TMEM150C: variants seen among roughly 807,000 people sequenced by gnomAD.
TMEM150C encodes the protein tentonin 3.
Under a neutral mutation model 29.9 loss-of-function variants are expected in TMEM150C, and 10 were observed. The observed-to-expected ratio is 0.33, with a 90% CI of 0.21 to 0.57. The LOEUF (loss-of-function observed/expected upper bound fraction) is 0.57, where lower values mean the gene tolerates loss of function less well. Among genes scored for constraint, TMEM150C ranks in the 20% least tolerant of loss-of-function variants. The probability of loss-of-function intolerance (pLI) is 0.88; values close to 1 mark genes in which losing one functional copy is unlikely to be tolerated. For missense variants in TMEM150C, 251 were observed against 303.6 expected, an observed-to-expected ratio of 0.83 and a Z score of 1.29; for synonymous variants, 101 against 112.5, an observed-to-expected ratio of 0.90 and a Z score of 0.64.
At chr4:82,496,609 A>G (rs1723566050) in intron 5 of TMEM150C, among the ~76,000 whole-genome samples, 1 of 152,198 alleles carries the variant, frequency 6.6e-6, no homozygotes, top group South Asian at 2.1e-4. Flanking sequence ...GAGGCTTGGC[A>G]CACAACAAAT....
At chr4:82,549,256 T>G (rs1367113165) in intron 1 of TMEM150C, among the ~76,000 whole-genome samples, 2 of 152,206 alleles carry the variant, frequency 1.3e-5, no homozygotes, top group African/African-American at 4.8e-5. Context: ...ATGTGGTATA[T>G]ATACTATGGA....
chr4:82,497,876 C>A (rs1288484233), intron 5 of TMEM150C, among the ~76,000 whole-genome samples: 1 of 152,160 alleles, frequency 6.6e-6, no homozygotes, highest in East Asian at 1.9e-4. Context: ...CAACACACAG[C>A]ACTCCATCAC....
chr4:82,544,669 C>T (rs1036235760), intron 1 of TMEM150C, among the ~76,000 whole-genome samples: 4 of 152,072 alleles, frequency 2.6e-5, no homozygotes, highest in African/African-American at 9.7e-5. Flanking sequence ...GTCCCAGCTA[C>T]TTGGGAGACT....
intron 1 of TMEM150C, among the ~76,000 whole-genome samples, chr4:82,548,096 G>A (rs1725444790): frequency 6.6e-6 from 1 of 152,182 alleles, no homozygotes; most frequent in Non-Finnish European, 1.5e-5. Flanking sequence ...GTGAATTAAT[G>A]CAGAAACAGA....
At chr4:82,534,325 A>C (rs1175781686) in intron 1 of TMEM150C, among the ~76,000 whole-genome samples, 1 of 152,232 alleles carries the variant, frequency 6.6e-6, no homozygotes, top group Non-Finnish European at 1.5e-5. Context: ...CCCCTGCAAA[A>C]GAGTTAACTG....
At chr4:82,486,335 TA>T (rs527967958) in intron 7 of TMEM150C, among the ~76,000 whole-genome samples, 755 of 51,258 alleles carry the variant, frequency 0.015, 2 homozygotes, top group African/African-American at 0.056. Context: ...GACTCCATCT[TA>T]AAAAAAAAAA....
intron 1 of TMEM150C, among the ~76,000 whole-genome samples, chr4:82,504,910 G>A (rs1326254093): frequency 6.6e-6 from 1 of 152,104 alleles, no homozygotes; most frequent in African/African-American, 2.4e-5. Flanking sequence ...GGCGCCTGTA[G>A]TCCCAGCTAC....
At chr4:82,499,637 C>T (rs933969439) in intron 5 of TMEM150C, among the ~76,000 whole-genome samples, 3 of 141,936 alleles carry the variant, frequency 2.1e-5, no homozygotes, top group South Asian at 2.2e-4. Flanking sequence ...GCAGGAGAAT[C>T]GCTTGAACCT....
chr4:82,542,438 T>A (rs1725228976), intron 1 of TMEM150C, among the ~76,000 whole-genome samples: 1 of 152,124 alleles, frequency 6.6e-6, no homozygotes, highest in Non-Finnish European at 1.5e-5. Flanking sequence ...GTAGCTTGGA[T>A]TTGGTCCTAT....
At chr4:82,561,771 G>A in intron 1 of TMEM150C, 135 bp downstream of exon 1, 1 of 630,488 alleles carries the variant, frequency 1.6e-6, no homozygotes, top group South Asian at 6.8e-5. Flanking sequence ...CCCGCAGCCG[G>A]GCGGACCCAG....
At chr4:82,545,733 C>T (rs1187675249) in intron 1 of TMEM150C, among the ~76,000 whole-genome samples, 1 of 152,106 alleles carries the variant, frequency 6.6e-6, no homozygotes, top group Non-Finnish European at 1.5e-5. Flanking sequence ...AGTTTGAGAA[C>T]AGCCTGGCCA....
intron 1 of TMEM150C, among the ~76,000 whole-genome samples, chr4:82,526,969 T>G (rs942758217): frequency 6.6e-6 from 1 of 151,514 alleles, no homozygotes; most frequent in African/African-American, 2.4e-5. Flanking sequence ...CCGATTCCAC[T>G]GTCAGCCAAT....
intron 1 of TMEM150C, among the ~76,000 whole-genome samples, chr4:82,515,076 G>T (rs1287341505): frequency 6.6e-6 from 1 of 152,154 alleles, no homozygotes; most frequent in Non-Finnish European, 1.5e-5. Context: ...CTACTAGAGA[G>T]GTACATTGAT....
intron 5 of TMEM150C, among the ~76,000 whole-genome samples, chr4:82,499,104 CT>C (rs768880497): frequency 3.3e-5 from 5 of 152,228 alleles, no homozygotes; most frequent in South Asian, 4.2e-4. Context: ...GATTCTGCCC[CT>C]ATAACAGTTT....
rs531563327 is a variant in TMEM150C, at chr4:82,545,865, C to T, written c.-11+16041G>A. ...GCTGGAACCCAGGAGGCGGAGGTTGCAGTGAGCTGAGATTGCACCATTGCG... is the reference window on the plus strand; with the variant it reads ...GCTGGAACCCAGGAGGCGGAGGTTGTAGTGAGCTGAGATTGCACCATTGCG... On this transcript the variant is annotated intron_variant, in intron 1 of 7. Coordinates refer to ENST00000449862, the MANE Select transcript of TMEM150C (RefSeq NM_001080506.3). Among the ~76,000 whole-genome samples the T allele has an allele frequency of 5.6e-4, 85 of 152,056 alleles. 1 individual carries two copies. The highest frequency in any genetic ancestry group is 2.0e-3 in the African/African-American group (83 of 41,448).
chr4:82,555,497 G>A (rs1725708840), intron 1 of TMEM150C, among the ~76,000 whole-genome samples: 2 of 152,178 alleles, frequency 1.3e-5, no homozygotes, highest in South Asian at 4.1e-4. Context: ...ACCACAGGCT[G>A]GCAGCAGTGA....
chr4:82,490,205 T>G lies in TMEM150C; in HGVS notation c.397A>C (p.Thr133Pro). 3 of 1,613,962 alleles carry G rather than the reference T, an allele frequency of 1.9e-6. No individual in the cohort carries two copies. Among genetic ancestry groups the G allele is most frequent in the Non-Finnish European group, 8.5e-7 (1 of 1,179,874 alleles). Residue 133 changes from threonine (T) to proline (P), a missense_variant, in exon 7 of 8, where the codon ACT (threonine) becomes CCT (proline). Thr to Pro is a conservative substitution (Grantham distance 38). Coordinates refer to ENST00000449862, the MANE Select transcript of TMEM150C (RefSeq NM_001080506.3). ...GTGCCAAATCCAAAGGTCAAGGAAG[T>G]TCCGACGTTATGGATTTCTTCATCA... ...TNDEEIHNVG[T>P]SLTFGFGTLT... is the part of the protein sequence containing the mutation.
chr4:82,545,604 T>G (rs943312613), intron 1 of TMEM150C, among the ~76,000 whole-genome samples: 11 of 152,170 alleles, frequency 7.2e-5, no homozygotes, highest in African/African-American at 2.7e-4. Flanking sequence ...ACTATCTCTC[T>G]TTGTGGGTGG....
intron 1 of TMEM150C, among the ~76,000 whole-genome samples, chr4:82,511,594 G>A (rs1724129646): frequency 6.7e-6 from 1 of 148,462 alleles, no homozygotes; most frequent in Non-Finnish European, 1.5e-5. Flanking sequence ...TCCCACTTCA[G>A]CTTTCTAAGT....
Sources: allele counts gnomAD v4.1 joint callset (sites outside exome capture counted in the v4.1 genomes callset), GRCh38; gene constraint gnomAD v4.1.1; transcripts MANE v1.5; gene names NCBI Gene and HGNC (gene_info 2026-07-23, HGNC 2026-07-21).